Variants in MTMR3 observed in about 807,000 individuals in gnomAD.
MTMR3 encodes myotubularin related protein 3.
A neutral mutation model predicts 132.4 loss-of-function variants in MTMR3; 32 were observed. The ratio of observed to expected loss-of-function variants is 0.24; its 90% CI spans 0.18 to 0.32. The LOEUF (loss-of-function observed/expected upper bound fraction) is 0.32, where lower values mean the gene tolerates loss of function less well. MTMR3 is among the 10% of genes least tolerant of loss of function. MTMR3 has a pLI of 1.00. For missense variants in MTMR3, 1,216 were observed against 1,489.6 expected (o/e 0.82, Z 3.02); for synonymous variants, 556 against 550.3 (o/e 1.01, Z -0.14).
chr22:29,914,795 A>G (rs2065278519), intron 1 of MTMR3, among the ~76,000 whole-genome samples: 1 of 152,166 alleles, frequency 6.6e-6, no homozygotes, highest in Non-Finnish European at 1.5e-5. Flanking sequence ...CTTTTTGTAT[A>G]TACTGTGAAT....
chr22:29,924,940 G>C (rs1467090519), intron 1 of MTMR3, among the ~76,000 whole-genome samples: 2 of 152,178 alleles, frequency 1.3e-5, no homozygotes, highest in African/African-American at 2.4e-5. Flanking sequence ...TAATTTGGCT[G>C]TCCATACTAA....
At chr22:29,906,266 GT>G (rs2065095210) in intron 1 of MTMR3, among the ~76,000 whole-genome samples, 1 of 97,860 alleles carries the variant, frequency 1.0e-5, no homozygotes, top group African/African-American at 5.0e-5. Flanking sequence ...CTGTCTGTCT[GT>G]CTGTCTGTCT....
At chr22:29,959,599 G>A (rs779523741) in intron 2 of MTMR3, among the ~76,000 whole-genome samples, 2 of 151,890 alleles carry the variant, frequency 1.3e-5, no homozygotes, top group South Asian at 2.1e-4. Context: ...GGCTGGTCTC[G>A]AACTCCTGAT....
chr22:29,990,812 G>A (rs2066947477), intron 6 of MTMR3: 1 of 152,180 alleles, frequency 6.6e-6, no homozygotes. Flanking sequence ...TTGAACTCCT[G>A]ACCTCCAGTG....
At chr22:29,969,269 C>T (rs903577166) in intron 2 of MTMR3, among the ~76,000 whole-genome samples, 5 of 152,146 alleles carry the variant, frequency 3.3e-5, no homozygotes, top group Non-Finnish European at 7.4e-5. Context: ...ATAGAAAATC[C>T]TTGCTTCCGG....
intron 1 of MTMR3, among the ~76,000 whole-genome samples, chr22:29,939,133 G>A (rs1359670068): frequency 6.6e-6 from 1 of 152,014 alleles, no homozygotes; most frequent in Non-Finnish European, 1.5e-5. Flanking sequence ...AAAACTATAC[G>A]TTTTCTAATT....
rs1473529099 is a variant in MTMR3 at position 29,937,301 on chromosome 22, CTTCT to C, written c.-137-19728_-137-19725del. On this transcript the variant is annotated intron_variant, in intron 1 of 19. Transcript: ENST00000401950. ...CAAGACATTCTCTTCTAAGAAGAGACTTCTTTCTTTACCATATACTGTCTACCTT... is the reference window on the plus strand; with the variant it reads ...CAAGACATTCTCTTCTAAGAAGAGACTTCTTTACCATATACTGTCTACCTT... 3.9e-5 allele frequency among the ~76,000 whole-genome samples: 6 copies of C among 152,236 alleles called. No individual in the cohort carries two copies. In the East Asian group the frequency reaches 1.2e-3, roughly 29 times the overall value.
chr22:29,913,876 T>C (rs1427681945), intron 1 of MTMR3, among the ~76,000 whole-genome samples: 1 of 152,148 alleles, frequency 6.6e-6, no homozygotes, highest in Non-Finnish European at 1.5e-5. Flanking sequence ...CTCAGCCTGC[T>C]GAGGAGCTGG....
chr22:30,013,014 AGACTT>A (rs924546161), intron 13 of MTMR3: 16 of 202,160 alleles, frequency 7.9e-5, no homozygotes, highest in African/African-American at 2.1e-4. Context: ...AGGATTTTAC[AGACTT>A]GACTTTGTAA....
At chr22:29,931,192 T>G (rs2065636521) in intron 1 of MTMR3, among the ~76,000 whole-genome samples, 1 of 152,128 alleles carries the variant, frequency 6.6e-6, no homozygotes, top group African/African-American at 2.4e-5. Flanking sequence ...CACAACAAGG[T>G]TAACAGTACT....
chr22:29,950,375 A>AT lies in MTMR3; in HGVS notation c.-137-6655dup, dbSNP rs554536053. Among the ~76,000 whole-genome samples, 102 of 134,708 alleles carry AT rather than the reference A, an allele frequency of 7.6e-4. 1 individual carries two copies. Among genetic ancestry groups the AT allele is most frequent in the African/African-American group, 2.6e-3 (100 of 38,348 alleles). 88.4% of individuals were successfully genotyped at this position (134,708 alleles called of 152,430 possible). ...TTTTTATTTTTTTATTTATTTTTTT[A>AT]TTTTTTGAGATGGAATTTCACTCTG... On this transcript the variant is annotated intron_variant, in intron 1 of 19. Coordinates refer to ENST00000401950, the MANE Select transcript of MTMR3 (RefSeq NM_021090.4).
At chr22:29,937,615 G>T (rs1176962789) in intron 1 of MTMR3, among the ~76,000 whole-genome samples, 1 of 152,038 alleles carries the variant, frequency 6.6e-6, no homozygotes. Flanking sequence ...CTAGTTTTTA[G>T]AATATAAAAC....
At chr22:29,902,985 G>C (rs1467574408) in intron 1 of MTMR3, among the ~76,000 whole-genome samples, 2 of 152,210 alleles carry the variant, frequency 1.3e-5, no homozygotes, top group African/African-American at 4.8e-5. Context: ...CACTTTGGGA[G>C]GCCGAGGAGG....
intron 1 of MTMR3, among the ~76,000 whole-genome samples, chr22:29,883,675 T>C (rs952352495): frequency 6.6e-6 from 1 of 152,138 alleles, no homozygotes; most frequent in African/African-American, 2.4e-5. Flanking sequence ...CGTGCGGCTC[T>C]GGGTGTGGGA....
chr22:29,962,865 C>T (rs1485804697), intron 2 of MTMR3, among the ~76,000 whole-genome samples: 2 of 151,558 alleles, frequency 1.3e-5, no homozygotes, highest in African/African-American at 4.8e-5. Flanking sequence ...AAGGTTCATT[C>T]ACGTTGAAGC....
Position 29,991,699 on chromosome 22 carries a change from CA to C in MTMR3, c.460+30del, listed in dbSNP as rs762728281. On this transcript the variant is annotated intron_variant, in intron 7 of 19. Coordinates refer to ENST00000401950, the MANE Select transcript of MTMR3 (RefSeq NM_021090.4). The stretch of plus-strand genomic sequence containing the variant: ...CGCCTTTCTGAAATGTGCAAATGGC[CA>C]GGGGCTTTATCAAGCTACTGATGGA... The C allele has an allele frequency of 1.2e-5, 19 of 1,538,578 alleles. No homozygotes were observed. In the African/African-American group the frequency reaches 1.7e-4, roughly 13 times the overall value.
At chr22:30,007,713 CCTT>C in intron 10 of MTMR3, 185 bp from the exon 11 acceptor site, 1 of 670,464 alleles carries the variant, frequency 1.5e-6, no homozygotes, top group East Asian at 2.8e-5. Flanking sequence ...GAGAATAAAT[CCTT>C]CTCATCTTTC....
rs770841095 is a variant in MTMR3 at position 29,978,967 on chromosome 22, CAG to C, written c.128_129del (p.Glu43ValfsTer27). On this transcript the variant is annotated frameshift_variant, in exon 5 of 20. Transcript: ENST00000401950. LOFTEE classifies it high-confidence loss of function. ...TTCCTTGAACTTCATGGAGAGAGCA[CAG>C]AGTTTGTGGGCCGTGCCGAGGATGC... 6.2e-7 allele frequency: 1 copy of C among 1,613,692 alleles called. No homozygotes were observed. Among genetic ancestry groups the C allele is most frequent in the Non-Finnish European group, 8.5e-7 (1 of 1,179,836 alleles).
intron 16 of MTMR3, chr22:30,019,218 AG>A: frequency 2.8e-6 from 1 of 354,972 alleles, no homozygotes; most frequent in Non-Finnish European, 5.1e-6. Flanking sequence ...AAAAAAAAAA[AG>A]AAAATAGCAC....
Sources: allele counts gnomAD v4.1 joint callset (sites outside exome capture counted in the v4.1 genomes callset), GRCh38; gene constraint gnomAD v4.1.1; transcripts MANE v1.5; gene names NCBI Gene and HGNC (gene_info 2026-07-23, HGNC 2026-07-21).